The following MAF variants were observed in gnomAD, a reference collection of about 807,000 sequenced individuals.
MAF encodes the protein transcription factor Maf.
A neutral mutation model predicts 22.0 loss-of-function variants in MAF; 10 were observed. The observed-to-expected ratio is 0.45, with a 90% CI of 0.28 to 0.77. MAF has a LOEUF of 0.77. Among genes scored for constraint, MAF ranks in the 30% least tolerant of loss-of-function variants. MAF has a pLI of 0.12. For missense variants in MAF, 544 were observed against 548.4 expected (o/e 0.99, Z 0.08); for synonymous variants, 337 against 255.8 (o/e 1.32, Z -3.03).
the MAF span, among the ~76,000 whole-genome samples, chr16:79,479,375 C>T: frequency 3.3e-5 from 5 of 152,318 alleles, no homozygotes; most frequent in South Asian, 2.1e-4. Flanking sequence ...TACCTTTTCC[C>T]GGATATGTGT....
At chr16:79,405,998 C>T in the MAF span, among the ~76,000 whole-genome samples, 1 of 152,186 alleles carries the variant, frequency 6.6e-6, no homozygotes, top group Admixed American at 6.5e-5. Flanking sequence ...GTGTAGCAGG[C>T]CAGAAGCCAC....
chr16:79,290,565 G>A, the MAF span, among the ~76,000 whole-genome samples: 1,115 of 151,676 alleles, frequency 7.4e-3, 14 homozygotes, highest in African/African-American at 0.025. Context: ...TGCGACGTGT[G>A]TGTACATTAT....
chr16:79,330,957 G>A, the MAF span, among the ~76,000 whole-genome samples: 5 of 152,136 alleles, frequency 3.3e-5, no homozygotes, highest in Non-Finnish European at 5.9e-5. Flanking sequence ...CGGACATGAA[G>A]GCCAACCCTG....
At chr16:79,588,434 T>C (rs1912988955) in intron 1 of MAF, among the ~76,000 whole-genome samples, 1 of 152,140 alleles carries the variant, frequency 6.6e-6, no homozygotes, top group Admixed American at 6.5e-5. Context: ...CTCTTTTCTT[T>C]CTTTCTTTCT....
At chr16:79,245,766 A>G in the MAF span, among the ~76,000 whole-genome samples, 3 of 152,104 alleles carry the variant, frequency 2.0e-5, no homozygotes, top group African/African-American at 4.8e-5. Context: ...ACATATGTTT[A>G]CTGCAGCTCT....
At chr16:79,363,883 T>C in the MAF span, among the ~76,000 whole-genome samples, 1 of 152,140 alleles carries the variant, frequency 6.6e-6, no homozygotes, top group Non-Finnish European at 1.5e-5. Flanking sequence ...GGATGGCAAA[T>C]AGCTCAGTAT....
the MAF span, among the ~76,000 whole-genome samples, chr16:79,369,686 C>T: frequency 6.6e-6 from 1 of 152,224 alleles, no homozygotes; most frequent in African/African-American, 2.4e-5. Context: ...TAAGGATTCA[C>T]TGAGAAATCA....
At chr16:79,308,174 G>A in the MAF span, among the ~76,000 whole-genome samples, 11 of 152,156 alleles carry the variant, frequency 7.2e-5, no homozygotes, top group Admixed American at 2.0e-4. Flanking sequence ...CAATCAATAC[G>A]GATCACTGCA....
At chr16:79,463,645 T>G in the MAF span, among the ~76,000 whole-genome samples, 4 of 152,190 alleles carry the variant, frequency 2.6e-5, no homozygotes, top group Non-Finnish European at 5.9e-5. Flanking sequence ...TGGACCTGTT[T>G]TAAGTCAGAG....
chr16:79,550,743 T>G, the MAF span, among the ~76,000 whole-genome samples: 1 of 151,712 alleles, frequency 6.6e-6, no homozygotes, highest in Non-Finnish European at 1.5e-5. Flanking sequence ...CACCATCTAA[T>G]CTGTGGCTAG....
chr16:79,501,205 T>C, the MAF span, among the ~76,000 whole-genome samples: 7 of 152,186 alleles, frequency 4.6e-5, no homozygotes, highest in Non-Finnish European at 1.0e-4. Flanking sequence ...CTCTTTGGGT[T>C]CTGTCTACAA....
chr16:79,297,206 G>C, the MAF span, among the ~76,000 whole-genome samples: 1 of 152,186 alleles, frequency 6.6e-6, no homozygotes, highest in Non-Finnish European at 1.5e-5. Flanking sequence ...GGGTAGCAAA[G>C]GGGATCCAAT....
At chr16:79,269,549 G>C in the MAF span, among the ~76,000 whole-genome samples, 1 of 152,270 alleles carries the variant, frequency 6.6e-6, no homozygotes, top group South Asian at 2.1e-4. Flanking sequence ...AATCTAAGTT[G>C]TGATTAATGG....
the MAF span, among the ~76,000 whole-genome samples, chr16:79,403,751 T>A: frequency 6.6e-6 from 1 of 152,284 alleles, no homozygotes; most frequent in East Asian, 1.9e-4. Flanking sequence ...AGGAAAAACA[T>A]ACGATCTATA....
chr16:79,406,375 C>T, the MAF span, among the ~76,000 whole-genome samples: 1 of 152,270 alleles, frequency 6.6e-6, no homozygotes, highest in East Asian at 1.9e-4. Context: ...TGGCTTATAT[C>T]AACAGAAATT....
chr16:79,473,364 T>C, the MAF span, among the ~76,000 whole-genome samples: 2 of 152,176 alleles, frequency 1.3e-5, no homozygotes, highest in Non-Finnish European at 2.9e-5. Context: ...TTCACTCCTT[T>C]TAACAATTCA....
At chr16:79,434,001 T>C in the MAF span, among the ~76,000 whole-genome samples, 4 of 152,142 alleles carry the variant, frequency 2.6e-5, no homozygotes, top group South Asian at 2.1e-4. Flanking sequence ...TTGTGCCCCA[T>C]GATCTATTAG....
At chr16:79,592,985 G>C (rs1385743816), downstream of MAF, among the ~76,000 whole-genome samples, 12 of 152,100 alleles carry the variant, frequency 7.9e-5, no homozygotes, top group Non-Finnish European at 1.6e-4. Context: ...GTGTTTTACC[G>C]GCATGGAAAT....
chr16:79,540,596 G>C, the MAF span, among the ~76,000 whole-genome samples: 1 of 152,198 alleles, frequency 6.6e-6, no homozygotes, highest in African/African-American at 2.4e-5. Context: ...CAACTGGCTA[G>C]GAACCTCTGT....
Sources: allele counts gnomAD v4.1 joint callset (sites outside exome capture counted in the v4.1 genomes callset), GRCh38; gene constraint gnomAD v4.1.1; transcripts MANE v1.5; gene names NCBI Gene and HGNC (gene_info 2026-07-23, HGNC 2026-07-21).